The following GABRG3 variants were observed in gnomAD, a reference collection of about 807,000 sequenced individuals.
The protein encoded by GABRG3 is gamma-aminobutyric acid type A receptor subunit gamma3.
A neutral mutation model predicts 48.8 loss-of-function variants in GABRG3; 25 were observed. That is an observed-to-expected ratio of 0.51 (90% CI 0.37 to 0.72). The LOEUF is 0.72. GABRG3 is among the 30% of genes least tolerant of loss of function. The pLI, the probability that GABRG3 is intolerant of heterozygous loss-of-function variation, is 0.00. For missense variants in GABRG3, 394 were observed against 577.9 expected (o/e 0.68, Z 3.26); for synonymous variants, 227 against 217.6 (o/e 1.04, Z -0.38).
intron 3 of GABRG3, among the ~76,000 whole-genome samples, chr15:27,216,778 A>C (rs1174414446): frequency 8.4e-6 from 1 of 119,624 alleles, no homozygotes; most frequent in Non-Finnish European, 1.7e-5. Context: ...TTATTTTTTA[A>C]TTTTTTTTTT....
At chr15:27,225,831 G>T (rs1889594276) in intron 3 of GABRG3, among the ~76,000 whole-genome samples, 1 of 152,096 alleles carries the variant, frequency 6.6e-6, no homozygotes, top group Non-Finnish European at 1.5e-5. Context: ...GTGCATGTGG[G>T]CTGCTGCAGA....
At chr15:27,358,388 C>A (rs1894910268) in intron 5 of GABRG3, among the ~76,000 whole-genome samples, 1 of 152,074 alleles carries the variant, frequency 6.6e-6, no homozygotes, top group Admixed American at 6.5e-5. Flanking sequence ...CTGGGGGCTT[C>A]TCTGTCAGAA....
chr15:27,114,628 T>C (rs372247662), intron 3 of GABRG3, among the ~76,000 whole-genome samples: 47 of 152,350 alleles, frequency 3.1e-4, no homozygotes, highest in African/African-American at 8.9e-4. Context: ...GTCATGAAAG[T>C]AGCTGAGTGA....
At chr15:26,999,378 C>T (rs1260793431) in intron 2 of GABRG3, among the ~76,000 whole-genome samples, 2 of 152,014 alleles carry the variant, frequency 1.3e-5, no homozygotes, top group Admixed American at 6.6e-5. Flanking sequence ...GAACCAATCC[C>T]CTGCCAATAC....
chr15:27,068,049 C>G (rs1159203462), intron 3 of GABRG3, among the ~76,000 whole-genome samples: 1 of 152,150 alleles, frequency 6.6e-6, no homozygotes, highest in Non-Finnish European at 1.5e-5. Context: ...GAAATAGATA[C>G]CTAAGGAGGG....
chr15:27,306,240 A>AAG (rs1341232452), intron 3 of GABRG3, among the ~76,000 whole-genome samples: 4 of 82,088 alleles, frequency 4.9e-5, no homozygotes, highest in African/African-American at 2.0e-4. Context: ...TCTATATATA[A>AAG]ACATAATATA....
intron 5 of GABRG3, among the ~76,000 whole-genome samples, chr15:27,419,285 C>T (rs558968440): frequency 3.3e-5 from 5 of 152,190 alleles, no homozygotes; most frequent in South Asian, 2.1e-4. Context: ...CAGGTACCCA[C>T]GCCACAGCTT....
At chr15:27,390,892 C>CA (rs982450780) in intron 5 of GABRG3, among the ~76,000 whole-genome samples, 5 of 152,040 alleles carry the variant, frequency 3.3e-5, no homozygotes, top group Admixed American at 1.3e-4. Flanking sequence ...AGTTCAAGAC[C>CA]AGCCTGGCCA....
rs1430585553 is a variant in GABRG3, at chr15:27,388,192, GTAA to G, written c.574+59305_574+59307del. ...GAAGGAAGGAAAGGAGGGAGGGAGG[GTAA>G]GGAAGGAAGGAAGGAAAGGAGGAAG... On this transcript the variant is annotated intron_variant, in intron 5 of 9. Transcript: ENST00000615808. 3.7e-4 allele frequency among the ~76,000 whole-genome samples: 29 copies of G among 78,062 alleles called. 3 individuals are homozygous for G. The highest frequency in any genetic ancestry group is 4.2e-3 in the East Asian group (1 of 236). 51.2% of individuals were successfully genotyped at this position (78,062 alleles called of 152,430 possible). A position where few individuals can be genotyped will look rare whatever the true frequency, so the allele number is the denominator to read the frequency against.
At chr15:27,110,532 T>C (rs553499479) in intron 3 of GABRG3, among the ~76,000 whole-genome samples, 2 of 152,236 alleles carry the variant, frequency 1.3e-5, no homozygotes, top group Non-Finnish European at 2.9e-5. Flanking sequence ...GAACTTTTTT[T>C]TTTTAACATA....
chr15:27,303,752 GTA>G (rs760885274), intron 3 of GABRG3, among the ~76,000 whole-genome samples: 60 of 148,862 alleles, frequency 4.0e-4, no homozygotes, highest in Non-Finnish European at 6.1e-4. Flanking sequence ...ATCCGTGTGT[GTA>G]TATATATATA....
At chr15:27,242,599 T>G (rs2140454509) in intron 3 of GABRG3, among the ~76,000 whole-genome samples, 1 of 152,318 alleles carries the variant, frequency 6.6e-6, no homozygotes, top group East Asian at 1.9e-4. Context: ...CAAAGTTACT[T>G]CTAGAATCCA....
chr15:27,200,053 CTTCTTTCCTTCCT>C (rs59417364), intron 3 of GABRG3, among the ~76,000 whole-genome samples: 28,078 of 151,584 alleles, frequency 0.19, 2,661 homozygotes, highest in East Asian at 0.33. Flanking sequence ...TTCTCTCTTC[CTTCTTTCCTTCCT>C]TTCTTTCCAG....
At chr15:27,437,105 A>G (rs1005951931) in intron 5 of GABRG3, among the ~76,000 whole-genome samples, 1 of 151,996 alleles carries the variant, frequency 6.6e-6, no homozygotes, top group Non-Finnish European at 1.5e-5. Flanking sequence ...TAGCTTGGAT[A>G]ATGTTGGTTA....
rs1267323805 is a variant in GABRG3 at position 26,971,340 on chromosome 15, C to T, written c.-196C>T. ...GGGTGGGGGCGGCGCGCCGCGGTGG[C>T]CCGGCGTCCCGTGTGCGTCCAGTGT... is the stretch of plus-strand genomic sequence containing the variant. On this transcript the variant is annotated 5_prime_UTR_variant, in exon 1 of 10. Coordinates refer to ENST00000615808, the MANE Select transcript of GABRG3 (RefSeq NM_033223.5). 63 of 333,114 alleles carry T rather than the reference C, an allele frequency of 1.9e-4. No homozygotes were observed. The East Asian group carries it at 2.3e-3, about 12-fold the overall frequency. The allele number at this position is 333,114 out of a possible 1,614,324, so 20.6% of individuals were successfully genotyped here.
chr15:27,392,188 A>G (rs141596317), intron 5 of GABRG3, among the ~76,000 whole-genome samples: 55 of 152,288 alleles, frequency 3.6e-4, no homozygotes, highest in African/African-American at 1.2e-3. Context: ...CCCAGTATTG[A>G]TATATTAACT....
intron 3 of GABRG3, among the ~76,000 whole-genome samples, chr15:27,064,423 G>T (rs917273614): frequency 2.0e-5 from 3 of 152,166 alleles, no homozygotes; most frequent in African/African-American, 7.2e-5. Flanking sequence ...CTTCGTCCAT[G>T]AATCTCACCC....
intron 3 of GABRG3, among the ~76,000 whole-genome samples, chr15:27,265,473 A>G (rs913060750): frequency 6.6e-5 from 10 of 152,238 alleles, no homozygotes; most frequent in Non-Finnish European, 1.3e-4. Flanking sequence ...CTTATTTCTA[A>G]CAGACAGCAA....
intron 3 of GABRG3, among the ~76,000 whole-genome samples, chr15:27,144,645 CAGA>C (rs1217782589): frequency 1.3e-5 from 2 of 152,156 alleles, no homozygotes; most frequent in Non-Finnish European, 2.9e-5. Context: ...CCTGGAAATC[CAGA>C]AGTTCACATA....
Sources: allele counts gnomAD v4.1 joint callset (sites outside exome capture counted in the v4.1 genomes callset), GRCh38; gene constraint gnomAD v4.1.1; transcripts MANE v1.5; gene names NCBI Gene and HGNC (gene_info 2026-07-23, HGNC 2026-07-21).